The following MYO1D variants were observed in gnomAD, a reference collection of about 807,000 sequenced individuals.
The protein encoded by MYO1D is myosin ID, also known as unconventional myosin-Id.
Under a neutral mutation model 122.0 loss-of-function variants are expected in MYO1D, and 83 were observed. The observed-to-expected ratio is 0.68, with a 90% confidence interval of 0.57 to 0.82. The LOEUF (loss-of-function observed/expected upper bound fraction) is 0.82, where lower values mean the gene tolerates loss of function less well. MYO1D is among the 40% of genes least tolerant of loss of function. The pLI is 0.00. For missense variants in MYO1D, 1,157 were observed against 1,269.5 expected (o/e 0.91, Z 1.35); for synonymous variants, 464 against 446.9 (o/e 1.04, Z -0.48).
chr17:32,525,676 C>T (rs1235255624), intron 21 of MYO1D, among the ~76,000 whole-genome samples: 2 of 152,126 alleles, frequency 1.3e-5, no homozygotes, highest in Non-Finnish European at 1.5e-5. Flanking sequence ...CCAGAAATAT[C>T]AGTTCTGGGG....
intron 20 of MYO1D, among the ~76,000 whole-genome samples, chr17:32,638,342 T>C (rs113467190): frequency 0.024 from 3,582 of 152,278 alleles, 138 homozygotes; most frequent in African/African-American, 0.08. Flanking sequence ...GCATAAATTT[T>C]ACATTTAAAA....
chr17:32,783,199 G>T (rs1350624696), intron 1 of MYO1D, among the ~76,000 whole-genome samples: 2 of 151,976 alleles, frequency 1.3e-5, no homozygotes, highest in Non-Finnish European at 2.9e-5. Context: ...AATGTCTCAT[G>T]AGCCGGGAAC....
intron 1 of MYO1D, among the ~76,000 whole-genome samples, chr17:32,872,278 A>C (rs1358042046): frequency 1.3e-5 from 2 of 151,862 alleles, no homozygotes; most frequent in African/African-American, 4.8e-5. Flanking sequence ...GGTTTTATTT[A>C]TTTATTTATT....
chr17:32,569,848 G>C (rs2087206388), intron 21 of MYO1D, among the ~76,000 whole-genome samples: 1 of 152,166 alleles, frequency 6.6e-6, no homozygotes, highest in Non-Finnish European at 1.5e-5. Context: ...GAATAAAGGA[G>C]AGATAAAAGG....
chr17:32,818,764 G>T (rs976767672), intron 1 of MYO1D, among the ~76,000 whole-genome samples: 1 of 152,214 alleles, frequency 6.6e-6, no homozygotes, highest in Admixed American at 6.5e-5. Context: ...ATCACATAAG[G>T]TTACTGTGAG....
At chr17:32,575,728 C>A (rs1374866897) in intron 21 of MYO1D, among the ~76,000 whole-genome samples, 1 of 152,160 alleles carries the variant, frequency 6.6e-6, no homozygotes, top group African/African-American at 2.4e-5. Flanking sequence ...TTGCCTGGAT[C>A]CTGCCCATCA....
chr17:32,853,661 A>G (rs2091006971), intron 1 of MYO1D, among the ~76,000 whole-genome samples: 2 of 152,318 alleles, frequency 1.3e-5, no homozygotes, highest in East Asian at 3.9e-4. Context: ...TATCTCTAAA[A>G]CCTAGCATAT....
At chr17:32,768,499 A>G (rs1310720227) in intron 6 of MYO1D, among the ~76,000 whole-genome samples, 1 of 152,182 alleles carries the variant, frequency 6.6e-6, no homozygotes, top group Non-Finnish European at 1.5e-5. Context: ...AGGCTTGACC[A>G]ATTCTTTCCT....
At chr17:32,818,940 T>TCTA (rs1302560445) in intron 1 of MYO1D, among the ~76,000 whole-genome samples, 1 of 152,176 alleles carries the variant, frequency 6.6e-6, no homozygotes, top group Non-Finnish European at 1.5e-5. Flanking sequence ...AAAAGAGAAT[T>TCTA]CTACTAGAGA....
chr17:32,573,637 A>G (rs1478268088), intron 21 of MYO1D, among the ~76,000 whole-genome samples: 1 of 151,890 alleles, frequency 6.6e-6, no homozygotes, highest in Non-Finnish European at 1.5e-5. Context: ...CTCCCACCTC[A>G]GCCTCCTGAG....
intron 21 of MYO1D, among the ~76,000 whole-genome samples, chr17:32,581,225 C>G (rs2087335613): frequency 6.6e-6 from 1 of 152,124 alleles, no homozygotes; most frequent in African/African-American, 2.4e-5. Flanking sequence ...AATTTACTGG[C>G]ATAAAGTTGT....
At chr17:32,588,203 A>T (rs1168155141) in intron 21 of MYO1D, among the ~76,000 whole-genome samples, 1 of 152,246 alleles carries the variant, frequency 6.6e-6, no homozygotes, top group Non-Finnish European at 1.5e-5. Context: ...GACAGTGTGT[A>T]GAGCTACCTT....
At chr17:32,568,757 T>C (rs1352056091) in intron 21 of MYO1D, among the ~76,000 whole-genome samples, 2 of 152,226 alleles carry the variant, frequency 1.3e-5, no homozygotes, top group Non-Finnish European at 2.9e-5. Context: ...GGATCTGCCC[T>C]TTCCGTGCTT....
chr17:32,573,217 T>C (rs2087247102), intron 21 of MYO1D, among the ~76,000 whole-genome samples: 1 of 152,212 alleles, frequency 6.6e-6, no homozygotes. Context: ...TTAAATAATG[T>C]CCCCAAATAT....
At chr17:32,835,164 GTTT>G (rs779434725) in intron 1 of MYO1D, among the ~76,000 whole-genome samples, 2 of 140,868 alleles carry the variant, frequency 1.4e-5, no homozygotes. Context: ...TTCTTTTGGG[GTTT>G]TTTTTTTTTT....
intron 11 of MYO1D, among the ~76,000 whole-genome samples, chr17:32,754,569 T>C (rs574478188): frequency 1.8e-4 from 27 of 152,334 alleles, no homozygotes; most frequent in African/African-American, 6.3e-4. Flanking sequence ...TCTGTTCTGA[T>C]TACATAATTT....
In MYO1D at chr17:32,693,155, C is replaced by T. The variant is rs1014071191; in HGVS notation, c.2121+18833G>A. On this transcript the variant is annotated intron_variant, in intron 16 of 21. Transcript: ENST00000318217. ...GTAATTTAATTTAAGCATCTATTCA[C>T]GAAATCACTTCCCCTTCATTAATTA... Among the ~76,000 whole-genome samples the T allele has an allele frequency of 5.3e-5, 8 of 152,308 alleles. No homozygotes were observed. The South Asian group carries it at 6.2e-4, about 12-fold the overall frequency.
chr17:32,609,559 G>A (rs1014131612), intron 20 of MYO1D, among the ~76,000 whole-genome samples: 8 of 152,196 alleles, frequency 5.3e-5, no homozygotes, highest in African/African-American at 1.9e-4. Flanking sequence ...GAGACTGAAG[G>A]AGTTCAGCCC....
At chr17:32,629,207 G>A (rs950179126) in intron 20 of MYO1D, among the ~76,000 whole-genome samples, 2 of 152,172 alleles carry the variant, frequency 1.3e-5, no homozygotes, top group South Asian at 2.1e-4. Context: ...AGTGGTTCCC[G>A]TAGGTTCAGG....
Sources: allele counts gnomAD v4.1 joint callset (sites outside exome capture counted in the v4.1 genomes callset), GRCh38; gene constraint gnomAD v4.1.1; transcripts MANE v1.5; gene names NCBI Gene and HGNC (gene_info 2026-07-23, HGNC 2026-07-21).